Variants in C11orf97 observed in about 807,000 individuals in gnomAD.
C11orf97 encodes the protein chromosome 11 open reading frame 97.
C11orf97 carries 15 observed loss-of-function variants against 16.2 expected under a neutral mutation model. The observed-to-expected ratio is 0.93, with a 90% confidence interval of 0.62 to 1.43. The LOEUF (loss-of-function observed/expected upper bound fraction) is 1.43. Ranked by LOEUF, C11orf97 falls within the 40% of genes most tolerant of loss-of-function variation. C11orf97 has a pLI of 0.00. For missense variants in C11orf97, 171 were observed against 161.2 expected (o/e 1.06, Z -0.33); for synonymous variants, 61 against 65.7 (o/e 0.93, Z 0.34).
At chr11:94,529,230 G>A (rs570104050) in intron 3 of C11orf97, among the ~76,000 whole-genome samples, 76 of 152,258 alleles carry the variant, frequency 5.0e-4, no homozygotes, top group African/African-American at 1.8e-3. Context: ...ATGTCTATTG[G>A]ACCTGAAGTG....
chr11:94,514,642 T>C (rs1191037886), intron 1 of C11orf97, among the ~76,000 whole-genome samples: 10 of 16,704 alleles, frequency 6.0e-4, no homozygotes, highest in Admixed American at 1.3e-3. Context: ...ATTTTTGCCT[T>C]TTTTTTTTTT....
rs147024014 is a variant in C11orf97 at position 94,529,270 on chromosome 11, G to A, written c.376+1061G>A. 5.3e-5 allele frequency among the ~76,000 whole-genome samples: 8 copies of A among 152,234 alleles called. No individual in the cohort carries two copies. The East Asian group carries it at 1.3e-3, about 26-fold the overall frequency. On this transcript the variant is annotated intron_variant, in intron 3 of 3. Coordinates refer to ENST00000542198, the MANE Select transcript of C11orf97 (RefSeq NM_001190462.2). ...GAGAGTTCAATAAAAGTGTCACATA[G>A]GAGTAGGGTCCCCAGGGGGCCAGGG...
At chr11:94,531,646 T>C (rs1947740171) in intron 3 of C11orf97, among the ~76,000 whole-genome samples, 1 of 151,794 alleles carries the variant, frequency 6.6e-6, no homozygotes. Context: ...GGGTGGGGTC[T>C]GAGATTCTGT....
Position 94,512,507 on chromosome 11 carries a change from G to T in C11orf97, c.-22G>T, listed in dbSNP as rs1591743859. On this transcript the variant is annotated 5_prime_UTR_variant, in exon 1 of 4. Transcript: ENST00000542198. ...AGCTGAGAAGGAAACCGTGCCCAGG[G>T]CTCTCGGAAGACCGCTGCGGCATGA... 7.8e-7 allele frequency: 1 copy of T among 1,288,000 alleles called. No individual in the cohort carries two copies. The allele number at this position is 1,288,000 out of a possible 1,614,324, so 79.8% of individuals were successfully genotyped here.
intron 3 of C11orf97, among the ~76,000 whole-genome samples, chr11:94,529,522 A>G (rs762852714): frequency 1.3e-5 from 2 of 152,202 alleles, no homozygotes; most frequent in Non-Finnish European, 2.9e-5. Flanking sequence ...TGTAATCCAC[A>G]TGATCATATG....
chr11:94,518,897 G>A (rs1274681902), intron 2 of C11orf97, among the ~76,000 whole-genome samples: 1 of 151,224 alleles, frequency 6.6e-6, no homozygotes, highest in Non-Finnish European at 1.5e-5. Flanking sequence ...CATGATGTAT[G>A]TTGTGCCCAC....
intron 2 of C11orf97, among the ~76,000 whole-genome samples, chr11:94,523,754 G>A (rs1322648843): frequency 9.9e-5 from 15 of 152,172 alleles, no homozygotes; most frequent in East Asian, 1.9e-4. Flanking sequence ...CATAGCTAGC[G>A]GGACACAGGA....
chr11:94,514,130 G>C (rs1299510866), intron 1 of C11orf97, among the ~76,000 whole-genome samples: 1 of 152,104 alleles, frequency 6.6e-6, no homozygotes, highest in Non-Finnish European at 1.5e-5. Flanking sequence ...AATTCTATCA[G>C]GAAATTTCCC....
At chr11:94,513,631 A>C (rs1249948095) in intron 1 of C11orf97, among the ~76,000 whole-genome samples, 2 of 152,190 alleles carry the variant, frequency 1.3e-5, no homozygotes, top group Admixed American at 1.3e-4. Flanking sequence ...CAGAGACCTC[A>C]TCAAGAAGTT....
At chr11:94,518,149 G>GAAAAA (rs370762855) in intron 2 of C11orf97, among the ~76,000 whole-genome samples, 9,186 of 108,620 alleles carry the variant, frequency 0.085, 746 homozygotes, top group African/African-American at 0.2. Flanking sequence ...CTCCATATCA[G>GAAAAA]AAAAAAAAAA....
intron 1 of C11orf97, among the ~76,000 whole-genome samples, chr11:94,516,085 A>T (rs1947609666): frequency 6.6e-6 from 1 of 152,152 alleles, no homozygotes; most frequent in Middle Eastern, 3.2e-3. Context: ...CAAGAATGAG[A>T]CCCTGAAAGT....
rs113190925 is a variant in C11orf97, at chr11:94,530,646, T to C, written c.377-1250T>C. On this transcript the variant is annotated intron_variant, in intron 3 of 3. Transcript: ENST00000542198. ...TGCTATTAGTCATGAGAATGACCAATGAATGAATGAACCAGTAAGTATATG... is the reference window on the plus strand; with the variant it reads ...TGCTATTAGTCATGAGAATGACCAACGAATGAATGAACCAGTAAGTATATG... Among the ~76,000 whole-genome samples the C allele has an allele frequency of 2.2e-3, 331 of 152,336 alleles. 5 individuals carry two copies. Among genetic ancestry groups the C allele is most frequent in the African/African-American group, 7.5e-3 (312 of 41,574 alleles).
intron 3 of C11orf97, among the ~76,000 whole-genome samples, chr11:94,530,148 C>A (rs377329821): frequency 6.6e-6 from 1 of 152,130 alleles, no homozygotes; most frequent in East Asian, 1.9e-4. Flanking sequence ...AATTGCATTC[C>A]TTTCATCCAT....
At chr11:94,530,246 A>G (rs557589787) in intron 3 of C11orf97, among the ~76,000 whole-genome samples, 112 of 152,296 alleles carry the variant, frequency 7.4e-4, no homozygotes, top group African/African-American at 2.6e-3. Context: ...ATTTATTTCC[A>G]GCTGGTGCCA....
intron 3 of C11orf97, 27 bp from the exon 4 acceptor site, chr11:94,531,869 T>C: frequency 7.1e-7 from 1 of 1,411,722 alleles, no homozygotes; most frequent in Non-Finnish European, 9.2e-7. Flanking sequence ...AAAACACTTA[T>C]TTTTTCACTT....
chr11:94,532,104 A>C lies in C11orf97; in HGVS notation c.*204A>C, dbSNP rs1947744002. On this transcript the variant is annotated 3_prime_UTR_variant, in exon 4 of 4. Coordinates refer to ENST00000542198, the MANE Select transcript of C11orf97 (RefSeq NM_001190462.2). ...TAATGTTCAGTAAGTACCTGAAAAC[A>C]ATAAAGGAAAATATACTTATTTTTA... 5 of 377,778 alleles carry C rather than the reference A, an allele frequency of 1.3e-5. No individual in the cohort carries two copies. The highest frequency in any genetic ancestry group is 1.9e-5 in the Non-Finnish European group (4 of 213,392). 23.4% of individuals were successfully genotyped at this position (377,778 alleles called of 1,614,324 possible).
intron 1 of C11orf97, among the ~76,000 whole-genome samples, chr11:94,512,944 A>AACACAC (rs10560506): frequency 5.3e-5 from 8 of 150,662 alleles, no homozygotes; most frequent in African/African-American, 2.0e-4. Flanking sequence ...GAAAGGAATT[A>AACACAC]ACACACACAC....
intron 2 of C11orf97, among the ~76,000 whole-genome samples, chr11:94,521,917 T>C (rs1773787084): frequency 6.6e-6 from 1 of 152,216 alleles, no homozygotes; most frequent in Admixed American, 6.5e-5. Flanking sequence ...TTCTGCAACA[T>C]TTCACATAGT....
At chr11:94,524,766 A>G (rs751314952) in intron 2 of C11orf97, among the ~76,000 whole-genome samples, 1 of 152,164 alleles carries the variant, frequency 6.6e-6, no homozygotes, top group Non-Finnish European at 1.5e-5. Flanking sequence ...CAAAAAGAAA[A>G]ATGTAGAATT....
Sources: gnomAD v4.1 joint callset for allele counts (sites outside exome capture counted in the v4.1 genomes callset) on GRCh38, gnomAD v4.1.1 for gene constraint, MANE v1.5 for transcripts, NCBI Gene and HGNC (gene_info 2026-07-23, HGNC 2026-07-21) for gene names.